Variants in CNTN3 observed in about 807,000 individuals in gnomAD.
CNTN3 encodes the protein contactin-3.
Under a neutral mutation model 119.1 loss-of-function variants are expected in CNTN3, and 60 were observed. That is an observed-to-expected ratio of 0.50 (90% CI 0.41 to 0.62). CNTN3 has a LOEUF of 0.62. Among genes scored for constraint, CNTN3 ranks in the 20% least tolerant of loss-of-function variants. CNTN3 has a pLI of 0.00. For missense variants in CNTN3, 1,101 were observed against 1,242.4 expected (o/e 0.89, Z 1.71); for synonymous variants, 450 against 438.7 (o/e 1.03, Z -0.32).
intron 11 of CNTN3, among the ~76,000 whole-genome samples, chr3:74,358,580 TC>T (rs1703996182): frequency 7.5e-6 from 1 of 134,022 alleles, no homozygotes; most frequent in Non-Finnish European, 1.5e-5. Flanking sequence ...GGAAGTGTAT[TC>T]TTTTTTTTTT....
chr3:74,605,333 T>G (rs2106710288), intron 1 of CNTN3, among the ~76,000 whole-genome samples: 1 of 152,288 alleles, frequency 6.6e-6, no homozygotes, highest in South Asian at 2.1e-4. Context: ...TAATATGTTA[T>G]TTAGCTCAAT....
intron 5 of CNTN3, 141 bp downstream of exon 5, chr3:74,424,704 A>G (rs1701668365): frequency 1.4e-6 from 1 of 731,434 alleles, no homozygotes; most frequent in Non-Finnish European, 2.4e-6. Flanking sequence ...TGTTCCTCAT[A>G]TTCCAACTCA....
At chr3:74,440,356 A>G (rs1701941613) in intron 4 of CNTN3, among the ~76,000 whole-genome samples, 1 of 152,190 alleles carries the variant, frequency 6.6e-6, no homozygotes, top group Non-Finnish European at 1.5e-5. Flanking sequence ...ATCTTACATG[A>G]GACAAGTAAT....
chr3:74,327,105 C>CTTTTT lies in CNTN3; in HGVS notation c.1668+7629_1668+7630insAAAAA, dbSNP rs1491284899. The stretch of plus-strand genomic sequence containing the variant: ...CTAAAGTAGCTTATGAAGGGTTAAT[C>CTTTTT]CTTTTTTTTTTTTTTTTTTTTTTTT... On this transcript the variant is annotated intron_variant, in intron 13 of 22. Transcript: ENST00000263665. Among the ~76,000 whole-genome samples, 566 of 90,694 alleles carry CTTTTT rather than the reference C, an allele frequency of 6.2e-3. 2 individuals are homozygous for CTTTTT. Among genetic ancestry groups the CTTTTT allele is most frequent in the Non-Finnish European group, 7.8e-3 (388 of 49,674 alleles). The allele number at this position is 90,694 out of a possible 152,430, so 59.5% of individuals were successfully genotyped here.
intron 11 of CNTN3, among the ~76,000 whole-genome samples, chr3:74,341,586 A>T (rs905321126): frequency 1.3e-5 from 2 of 152,084 alleles, no homozygotes; most frequent in African/African-American, 4.8e-5. Context: ...GTAGGAGGTT[A>T]ATTATTTCAC....
chr3:74,604,734 C>A (rs900193604), intron 1 of CNTN3, among the ~76,000 whole-genome samples: 2 of 152,034 alleles, frequency 1.3e-5, no homozygotes, highest in African/African-American at 2.4e-5. Flanking sequence ...TTATAGAAAT[C>A]AGTATGGAGG....
At chr3:74,603,377 T>A (rs1704942598) in intron 1 of CNTN3, among the ~76,000 whole-genome samples, 2 of 152,092 alleles carry the variant, frequency 1.3e-5, no homozygotes, top group African/African-American at 4.8e-5. Context: ...GGCACCACAG[T>A]ATCCACTACA....
At chr3:74,554,867 A>G in intron 1 of CNTN3, among the ~76,000 whole-genome samples, 1 of 152,212 alleles carries the variant, frequency 6.6e-6, no homozygotes, top group East Asian at 1.9e-4. Context: ...AACAGAGACA[A>G]TTTGACTTCT....
At chr3:74,505,866 C>A (rs1208268224) in intron 2 of CNTN3, among the ~76,000 whole-genome samples, 1 of 151,942 alleles carries the variant, frequency 6.6e-6, no homozygotes, top group African/African-American at 2.4e-5. Flanking sequence ...AAAATAACAC[C>A]AATAAAAGTG....
At chr3:74,322,579 T>A (rs1264415845) in intron 13 of CNTN3, among the ~76,000 whole-genome samples, 1 of 152,172 alleles carries the variant, frequency 6.6e-6, no homozygotes, top group Non-Finnish European at 1.5e-5. Context: ...TGCAAGACAG[T>A]CCAGCAGTTT....
chr3:74,371,851 A>G (rs1704346373), intron 5 of CNTN3, among the ~76,000 whole-genome samples: 1 of 152,132 alleles, frequency 6.6e-6, no homozygotes, highest in South Asian at 2.1e-4. Flanking sequence ...TCAAAACCTT[A>G]GCCTCGGAGA....
At chr3:74,426,171 G>C (rs1364993559) in intron 4 of CNTN3, among the ~76,000 whole-genome samples, 1 of 152,014 alleles carries the variant, frequency 6.6e-6, no homozygotes, top group Non-Finnish European at 1.5e-5. Flanking sequence ...TTAGTTCATA[G>C]GGAAAGAGGA....
At chr3:74,436,832 A>G (rs985288500) in intron 4 of CNTN3, among the ~76,000 whole-genome samples, 1 of 152,174 alleles carries the variant, frequency 6.6e-6, no homozygotes, top group Non-Finnish European at 1.5e-5. Context: ...AAATAACTCA[A>G]TTGCAAAGTA....
chr3:74,460,246 C>A (rs1702340573), intron 4 of CNTN3, among the ~76,000 whole-genome samples: 1 of 151,912 alleles, frequency 6.6e-6, no homozygotes, highest in South Asian at 2.1e-4. Flanking sequence ...ACAGTCTGAG[C>A]CTTTCTATAT....
intron 11 of CNTN3, among the ~76,000 whole-genome samples, chr3:74,359,469 C>T (rs961668153): frequency 4.6e-5 from 7 of 152,000 alleles, no homozygotes; most frequent in African/African-American, 1.4e-4. Context: ...TCTTCGAACA[C>T]AAAAATGTCA....
rs140704547 is a variant in CNTN3 at position 74,324,490 on chromosome 3, C to G, written c.1668+10245G>C. On this transcript the variant is annotated intron_variant, in intron 13 of 22. Transcript: ENST00000263665. ...AGCCACCACGCTCGGCCAAAGGCAACTCTTCTAAGAATTGTCAAGTGATGT... is the reference window on the plus strand; with the variant it reads ...AGCCACCACGCTCGGCCAAAGGCAAGTCTTCTAAGAATTGTCAAGTGATGT... 2.5e-3 allele frequency among the ~76,000 whole-genome samples: 384 copies of G among 152,302 alleles called. 3 individuals are homozygous for G. Among genetic ancestry groups the G allele is most frequent in the African/African-American group, 8.8e-3 (364 of 41,572 alleles).
intron 1 of CNTN3, among the ~76,000 whole-genome samples, chr3:74,538,114 C>T (rs115076586): frequency 0.036 from 5,464 of 152,058 alleles, 151 homozygotes; most frequent in Non-Finnish European, 0.053. Flanking sequence ...AAAAAAAAAG[C>T]TGAGTTATAG....
chr3:74,478,777 A>C (rs1364515848), intron 4 of CNTN3, among the ~76,000 whole-genome samples: 1 of 152,180 alleles, frequency 6.6e-6, no homozygotes, highest in Non-Finnish European at 1.5e-5. Context: ...TCCCACTTGA[A>C]AGAGAGAAAC....
chr3:74,298,529 T>G (rs1427750410), intron 17 of CNTN3, among the ~76,000 whole-genome samples: 1 of 152,070 alleles, frequency 6.6e-6, no homozygotes, highest in African/African-American at 2.4e-5. Flanking sequence ...AAATAAAAAT[T>G]ATCTAATTCT....
Sources: allele counts gnomAD v4.1 joint callset (sites outside exome capture counted in the v4.1 genomes callset), GRCh38; gene constraint gnomAD v4.1.1; transcripts MANE v1.5; gene names NCBI Gene and HGNC (gene_info 2026-07-23, HGNC 2026-07-21).